THSD7B: variants seen among roughly 807,000 people sequenced by gnomAD.
THSD7B encodes the protein thrombospondin type-1 domain-containing protein 7B.
Under a neutral mutation model 213.6 loss-of-function variants are expected in THSD7B, and 138 were observed. That is an observed-to-expected ratio of 0.65 (90% CI 0.56 to 0.74). The LOEUF (loss-of-function observed/expected upper bound fraction) is 0.74, where lower values mean the gene tolerates loss of function less well. Ranked by LOEUF, THSD7B falls within the 30% of genes least tolerant of loss-of-function variation. THSD7B has a pLI of 0.00. For missense variants in THSD7B, 1,931 were observed against 1,991.5 expected (o/e 0.97, Z 0.58); for synonymous variants, 742 against 687.0 (o/e 1.08, Z -1.25).
chr2:137,456,830 A>T (rs1431283922), intron 15 of THSD7B, among the ~76,000 whole-genome samples: 3 of 152,206 alleles, frequency 2.0e-5, no homozygotes, highest in African/African-American at 7.2e-5. Context: ...AAACCCCTAA[A>T]ACATTTTACC....
rs530272635 is a variant in THSD7B, at chr2:137,414,605, C to G, written c.2959+2733C>G. Among the ~76,000 whole-genome samples the G allele has an allele frequency of 4.6e-5, 7 of 152,136 alleles. No individual in the cohort carries two copies. The South Asian group carries it at 8.3e-4, about 18-fold the overall frequency. ...TGGTAGCATGCATCTGTGGTCCCAA[C>G]TATTTGGGAGACTGAGGTGGCAGGA... On this transcript the variant is annotated intron_variant, in intron 14 of 27. Coordinates refer to ENST00000409968, the MANE Select transcript of THSD7B (RefSeq NM_001316349.2).
chr2:136,884,269 G>T (rs1485926887), intron 2 of THSD7B, among the ~76,000 whole-genome samples: 1 of 152,212 alleles, frequency 6.6e-6, no homozygotes, highest in Non-Finnish European at 1.5e-5. Context: ...CAGGAACAAG[G>T]GATTGTGCAG....
At chr2:137,595,055 A>G (rs1681933879) in intron 17 of THSD7B, among the ~76,000 whole-genome samples, 1 of 151,988 alleles carries the variant, frequency 6.6e-6, no homozygotes, top group South Asian at 2.1e-4. Flanking sequence ...TTAACCTTAT[A>G]TGGCACTACT....
intron 5 of THSD7B, among the ~76,000 whole-genome samples, chr2:137,116,557 T>C (rs1474922918): frequency 6.6e-6 from 1 of 152,240 alleles, no homozygotes; most frequent in East Asian, 1.9e-4. Context: ...TTGTATAGAA[T>C]TGATGCATTA....
chr2:136,974,357 C>T (rs1045345545), intron 2 of THSD7B, among the ~76,000 whole-genome samples: 9 of 152,182 alleles, frequency 5.9e-5, no homozygotes, highest in South Asian at 2.1e-4. Context: ...CTGAACCCCC[C>T]GCCCCGCACA....
At chr2:137,188,700 G>A (rs941772595) in intron 7 of THSD7B, among the ~76,000 whole-genome samples, 3 of 152,116 alleles carry the variant, frequency 2.0e-5, no homozygotes, top group Admixed American at 6.5e-5. Context: ...AGCATTTTGG[G>A]GATGGCTGTC....
intron 5 of THSD7B, among the ~76,000 whole-genome samples, chr2:137,131,811 C>T (rs1215642618): frequency 2.0e-5 from 3 of 152,124 alleles, no homozygotes; most frequent in Non-Finnish European, 4.4e-5. Context: ...AGTCAGGTAG[C>T]GTGATGCCTC....
chr2:137,617,087 A>G (rs1361794398), intron 18 of THSD7B, among the ~76,000 whole-genome samples: 1 of 151,988 alleles, frequency 6.6e-6, no homozygotes, highest in Non-Finnish European at 1.5e-5. Context: ...CCTCTTGTGG[A>G]AAACCTCATA....
chr2:137,494,071 C>A (rs1679501524), intron 15 of THSD7B, among the ~76,000 whole-genome samples: 1 of 152,128 alleles, frequency 6.6e-6, no homozygotes, highest in Admixed American at 6.5e-5. Context: ...TCTTGATTAA[C>A]CAAAATGCAT....
chr2:137,566,570 C>G (rs1303857063), intron 16 of THSD7B, among the ~76,000 whole-genome samples: 1 of 152,164 alleles, frequency 6.6e-6, no homozygotes, highest in African/African-American at 2.4e-5. Context: ...CATGCAGTAT[C>G]CACCTCTTAA....
At chr2:137,199,966 G>T (rs1558955711) in intron 7 of THSD7B, among the ~76,000 whole-genome samples, 1 of 152,158 alleles carries the variant, frequency 6.6e-6, no homozygotes, top group Non-Finnish European at 1.5e-5. Flanking sequence ...GATTTTGGAA[G>T]AAATAACCTC....
At chr2:137,360,825 A>G (rs1220475219) in intron 12 of THSD7B, among the ~76,000 whole-genome samples, 1 of 152,108 alleles carries the variant, frequency 6.6e-6, no homozygotes, top group African/African-American at 2.4e-5. Context: ...AGACTTAAAC[A>G]TCCTTGTCTG....
chr2:136,966,539 T>C (rs1393948547), intron 2 of THSD7B, among the ~76,000 whole-genome samples: 5 of 152,188 alleles, frequency 3.3e-5, no homozygotes, highest in African/African-American at 9.6e-5. Context: ...TGAATCAGTC[T>C]TTTTTATTTT....
At chr2:137,356,943 CACAT>C (rs1394626096) in intron 12 of THSD7B, among the ~76,000 whole-genome samples, 3 of 114,818 alleles carry the variant, frequency 2.6e-5, no homozygotes, top group Non-Finnish European at 5.5e-5. Flanking sequence ...GACACACACA[CACAT>C]ACACACACAC....
intron 3 of THSD7B, among the ~76,000 whole-genome samples, chr2:137,070,510 T>C (rs1573802065): frequency 6.6e-6 from 1 of 151,836 alleles, no homozygotes; most frequent in Non-Finnish European, 1.5e-5. Context: ...TGCATACAAG[T>C]TGTGTTAAAT....
At chr2:137,599,066 G>T in intron 17 of THSD7B, among the ~76,000 whole-genome samples, 1 of 130,872 alleles carries the variant, frequency 7.6e-6, no homozygotes, top group South Asian at 2.5e-4. Flanking sequence ...CCAGAGTGTG[G>T]TATTCCCCTT....
chr2:137,195,284 A>C (rs533901127), intron 7 of THSD7B, among the ~76,000 whole-genome samples: 89 of 152,064 alleles, frequency 5.9e-4, no homozygotes, highest in Non-Finnish European at 9.6e-4. Context: ...ATATTTGTGT[A>C]TAGACATATA....
chr2:137,376,660 G>C (rs921335413), intron 12 of THSD7B, among the ~76,000 whole-genome samples: 12 of 152,152 alleles, frequency 7.9e-5, no homozygotes, highest in Non-Finnish European at 1.5e-4. Context: ...ACATAAAATA[G>C]GGGTTTAAGG....
chr2:137,523,905 C>A (rs1021617227), intron 15 of THSD7B, among the ~76,000 whole-genome samples: 1 of 152,116 alleles, frequency 6.6e-6, no homozygotes, highest in Non-Finnish European at 1.5e-5. Flanking sequence ...ATATTCTGAA[C>A]AAATAGGTCC....
Sources: gnomAD v4.1 joint callset for allele counts (sites outside exome capture counted in the v4.1 genomes callset) on GRCh38, gnomAD v4.1.1 for gene constraint, MANE v1.5 for transcripts, NCBI Gene and HGNC (gene_info 2026-07-23, HGNC 2026-07-21) for gene names.